Variants in BRAT1 observed in about 807,000 individuals in gnomAD.
The protein encoded by BRAT1 is integrator complex assembly factor BRAT1.
Under a neutral mutation model 70.6 loss-of-function variants are expected in BRAT1, and 74 were observed. The ratio of observed to expected loss-of-function variants is 1.05; its 90% CI spans 0.87 to 1.27. The LOEUF is 1.27. Among genes scored for constraint, BRAT1 ranks in the 50% most tolerant of loss-of-function variants. The pLI, the probability that BRAT1 is intolerant of heterozygous loss-of-function variation, is 0.00. For missense variants in BRAT1, 1,203 were observed against 1,098.2 expected (o/e 1.10, Z -1.35); for synonymous variants, 615 against 517.1 (o/e 1.19, Z -2.57).
chr7:2,539,831 G>C lies in BRAT1; in HGVS notation c.1453C>G (p.Pro485Ala). 2 of 1,610,292 alleles carry C rather than the reference G, an allele frequency of 1.2e-6. No homozygotes were observed. Among genetic ancestry groups the C allele is most frequent in the South Asian group, 1.1e-5 (1 of 90,266 alleles). ...AGGGGGCCGAGATCAGAGCAGCCGG[G>C]GGTCTTGGGTGAGCTCAGGAGCCAC... is the stretch of plus-strand genomic sequence containing the variant. ...LRWLLSSPKT[P>A]GCSDLGPLIP... The change falls in exon 11 of 14, where the codon CCC becomes GCC. Residue 485 changes from proline to alanine, a missense_variant. Transcript: ENST00000340611.
chr7:2,539,676 G>A lies in BRAT1; in HGVS notation c.1499-34C>T. ...GGAAGGGACAGGTCAGGGTGACCTTGGGGCCAGGCTCACCCTGCCCTCAGA... is the reference window on the plus strand; with the variant it reads ...GGAAGGGACAGGTCAGGGTGACCTTAGGGCCAGGCTCACCCTGCCCTCAGA... On this transcript the variant is annotated intron_variant, in intron 11 of 13. Coordinates refer to ENST00000340611, the MANE Select transcript of BRAT1 (RefSeq NM_152743.4). 2.6e-6 allele frequency: 4 copies of A among 1,564,578 alleles called. No homozygotes were observed. The South Asian group carries it at 3.5e-5, about 14-fold the overall frequency.
At chr7:2,552,107 T>TATATATATATATATATATATATA (rs1491344376) in intron 2 of BRAT1, among the ~76,000 whole-genome samples, 66 of 15,088 alleles carry the variant, frequency 4.4e-3, no homozygotes, top group East Asian at 7.1e-3. Flanking sequence ...TATATATATA[T>TATATATATATATATATATATATA]TTTTTTTTTT....
intron 10 of BRAT1, 92 bp downstream of exon 10, chr7:2,540,887 G>A (rs1361880062): frequency 3.5e-5 from 44 of 1,270,712 alleles, no homozygotes; most frequent in East Asian, 6.0e-5. Context: ...GGCCCCATCC[G>A]CAGAGGCCTG....
Position 2,541,492 on chromosome 7 carries a change from G to T in BRAT1, c.1135-8C>A, listed in dbSNP as rs113613637. ...CGGTGAAGGGCGCTGGGGCTGCGAG[G>T]AAGAGGGCCGTCAGCCAAGGTTGCG... On this transcript the variant is annotated splice_region_variant and splice_polypyrimidine_tract_variant and intron_variant, in intron 8 of 13. Transcript: ENST00000340611. 1.8e-3 allele frequency: 2,691 copies of T among 1,524,778 alleles called. 32 individuals are homozygous for T. The African/African-American group carries it at 0.031, about 18-fold the overall frequency. The allele number at this position is 1,524,778 out of a possible 1,614,324, so 94.5% of individuals were successfully genotyped here.
chr7:2,547,895 C>G (rs1246103514), intron 2 of BRAT1, among the ~76,000 whole-genome samples: 2 of 151,994 alleles, frequency 1.3e-5, no homozygotes, highest in Admixed American at 1.3e-4. Flanking sequence ...CCAGCCTGGC[C>G]AACATGGCGA....
chr7:2,539,056 A>AGGCGCTGCCCACAGCAGCAGCTGCTCCC lies in BRAT1; in HGVS notation c.1770+95_1770+122dup, dbSNP rs1489800009. 8.2e-6 allele frequency: 12 copies of AGGCGCTGCCCACAGCAGCAGCTGCTCCC among 1,459,152 alleles called. No homozygotes were observed. In the East Asian group the frequency reaches 2.6e-4, roughly 32 times the overall value. 90.4% of individuals were successfully genotyped at this position (1,459,152 alleles called of 1,614,324 possible). On this transcript the variant is annotated intron_variant, in intron 13 of 13. Coordinates refer to ENST00000340611, the MANE Select transcript of BRAT1 (RefSeq NM_152743.4). ...CCAGGGCCTCGGCAGTCACTGCTGCAGGCGCTGCCCACAGCAGCAGCTGCT... is the reference window on the plus strand; with the variant it reads ...CCAGGGCCTCGGCAGTCACTGCTGCAGGCGCTGCCCACAGCAGCAGCTGCTCCCGGCGCTGCCCACAGCAGCAGCTGCT...
chr7:2,549,083 G>A (rs1779816725), intron 2 of BRAT1, among the ~76,000 whole-genome samples: 1 of 152,242 alleles, frequency 6.6e-6, no homozygotes, highest in Admixed American at 6.5e-5. Flanking sequence ...ATAGAAGGTT[G>A]TGATGGCCTG....
Position 2,543,813 on chromosome 7 carries a change from A to G in BRAT1, c.580T>C (p.Cys194Arg). ...PCLPGGDWPA[C>R]AQKIMDHVEE... is the part of the protein sequence containing the mutation. ...ACGTGATCCATGATCTTCTGGGCAC[A>G]CGCGGGCCAGTCACCCCCCGGCAGG... is the stretch of plus-strand genomic sequence containing the variant. Residue 194 changes from cysteine (C) to arginine (R), a missense_variant, in exon 5 of 14, where the codon TGT becomes CGT. Coordinates refer to ENST00000340611, the MANE Select transcript of BRAT1 (RefSeq NM_152743.4). This position sits in a 1 kb window ranked among gnomAD's most constrained non-coding sequence, Gnocchi z 5.5. The G allele has an allele frequency of 1.9e-6, 3 of 1,612,864 alleles. No homozygotes were observed. Among genetic ancestry groups the G allele is most frequent in the Non-Finnish European group, 2.5e-6 (3 of 1,179,838 alleles).
Position 2,543,393 on chromosome 7 carries a change from C to T in BRAT1, c.804-70G>A. 2 of 1,510,988 alleles carry T rather than the reference C, an allele frequency of 1.3e-6. No homozygotes were observed. The highest frequency in any genetic ancestry group is 2.4e-5 in the East Asian group (1 of 42,468). The allele number at this position is 1,510,988 out of a possible 1,614,324, so 93.6% of individuals were successfully genotyped here. A position where few individuals can be genotyped will look rare whatever the true frequency, so the allele number is the denominator to read the frequency against. ...AACCCCATTCGAGGCCTGGCTGAGACTGCCATGGCTCCGGCACTGGAGGCG... is the reference window on the plus strand; with the variant it reads ...AACCCCATTCGAGGCCTGGCTGAGATTGCCATGGCTCCGGCACTGGAGGCG... On this transcript the variant is annotated intron_variant, in intron 5 of 13. Transcript: ENST00000340611. The surrounding 1 kb of genome is among the most constrained non-coding windows in gnomAD (Gnocchi z 5.5).
intron 2 of BRAT1, among the ~76,000 whole-genome samples, chr7:2,549,922 C>T (rs1160458922): frequency 6.6e-6 from 1 of 152,134 alleles, no homozygotes; most frequent in Non-Finnish European, 1.5e-5. Flanking sequence ...CACAACATTC[C>T]TACATCTATG....
chr7:2,548,937 C>T (rs946707633), intron 2 of BRAT1, among the ~76,000 whole-genome samples: 1 of 152,176 alleles, frequency 6.6e-6, no homozygotes, highest in African/African-American at 2.4e-5. Flanking sequence ...TGCACTCCAG[C>T]CTGGTGACAG....
chr7:2,547,417 C>T lies in BRAT1; in HGVS notation c.189G>A (p.Leu63=), dbSNP rs2128403568. ...PCLVELLSHV[L]KVQDLSSGVL... Reference sequence around the variant, plus strand: ...CCCCAGAACTCAGGTCCTGGACTTTCAGCACATGGGACAGCAGCTCCACCA... The same window carrying T: ...CCCCAGAACTCAGGTCCTGGACTTTTAGCACATGGGACAGCAGCTCCACCA... The change falls in exon 3 of 14, where the codon CTG becomes CTA. Residue 63 remains leucine, a synonymous_variant. Coordinates refer to ENST00000340611, the MANE Select transcript of BRAT1 (RefSeq NM_152743.4). 2.5e-6 allele frequency: 4 copies of T among 1,614,136 alleles called. No individual in the cohort carries two copies. Among genetic ancestry groups the T allele is most frequent in the Non-Finnish European group, 3.4e-6 (4 of 1,180,034 alleles).
chr7:2,538,288 C>T lies in BRAT1; in HGVS notation c.2247G>A (p.Glu749=). ...CCGCCCGCCACCTCGGCAGGGTGGC[C>T]TCTGCGGAGGCAGTGTTGGGGCTGC... ...ARGSPNTASA[E]ATLPRWRAGE... Residue 749 remains glutamate, a synonymous_variant, in exon 14 of 14, where the codon GAG becomes GAA. Coordinates refer to ENST00000340611, the MANE Select transcript of BRAT1 (RefSeq NM_152743.4). The T allele has an allele frequency of 6.2e-7, 1 of 1,612,490 alleles. No homozygotes were observed. The highest frequency in any genetic ancestry group is 8.5e-7 in the Non-Finnish European group (1 of 1,179,728).
intron 1 of BRAT1, among the ~76,000 whole-genome samples, 175 bp downstream of exon 1, chr7:2,555,312 G>A (rs898174215): frequency 6.6e-6 from 1 of 152,070 alleles, no homozygotes; most frequent in Non-Finnish European, 1.5e-5. Flanking sequence ...CGCCAGGCCC[G>A]AGAGTCCAGA....
chr7:2,539,422 T>C, intron 12 of BRAT1, 71 bp from the exon 13 acceptor site: 24 of 1,534,278 alleles, frequency 1.6e-5, no homozygotes, highest in Non-Finnish European at 2.1e-5. Flanking sequence ...TCTGCCTCCA[T>C]CCCCTTGTGG....
At chr7:2,553,257 C>T (rs1583342464) in intron 2 of BRAT1, among the ~76,000 whole-genome samples, 1 of 152,010 alleles carries the variant, frequency 6.6e-6, no homozygotes, top group African/African-American at 2.4e-5. Context: ...TTTCGAACTC[C>T]TGACTTCAAG....
At position 2,538,607 on chromosome 7, in the gene BRAT1, C is replaced by T; in HGVS notation, c.1928G>A (p.Ser643Asn). ...GCGGACCTCCCAGTCCAGGTCTCGG[C>T]TCGCCGCCTGCAGCACAGTGGCCAC... ...QFVATVLQAA[S>N]RDLDWEVRAQ... Residue 643 changes from serine to asparagine, a missense_variant, in exon 14 of 14, where the codon AGC becomes AAC. Ser to Asn is a conservative substitution (Grantham distance 46). Coordinates refer to ENST00000340611, the MANE Select transcript of BRAT1 (RefSeq NM_152743.4). 1 of 1,597,038 alleles carries T rather than the reference C, an allele frequency of 6.3e-7. No individual in the cohort carries two copies. The highest frequency in any genetic ancestry group is 8.5e-7 in the Non-Finnish European group (1 of 1,178,594).
At position 2,541,365 on chromosome 7, in the gene BRAT1, G is replaced by C. The variant is rs748933679; in HGVS notation, c.1254C>G (p.Thr418=). 6.2e-7 allele frequency: 1 copy of C among 1,607,664 alleles called. No homozygotes were observed. Among genetic ancestry groups the C allele is most frequent in the Admixed American group, 1.7e-5 (1 of 59,860 alleles). The change falls in exon 9 of 14, where the codon ACC becomes ACG. Residue 418 remains threonine, a synonymous_variant. Transcript: ENST00000340611. ...GCTGGACCCGGACGCAGCCCGCCAG[G>C]GTCCCACAGAGGTGGCCCCCCACAC... The part of the protein sequence containing the change: ...ASSVGGHLCG[T]LAGCVRVQRA...
chr7:2,548,518 T>A (rs1779774095), intron 2 of BRAT1, among the ~76,000 whole-genome samples: 1 of 151,590 alleles, frequency 6.6e-6, no homozygotes, highest in South Asian at 2.1e-4. Context: ...AAAAAAAAAT[T>A]AGCCCGGCAT....
Sources: gnomAD v4.1 joint callset for allele counts (sites outside exome capture counted in the v4.1 genomes callset) on GRCh38, gnomAD v4.1.1 for gene constraint, Gnocchi (gnomAD v3.1) non-coding constraint, MANE v1.5 for transcripts, NCBI Gene and HGNC (gene_info 2026-07-23, HGNC 2026-07-21) for gene names.